Variants in PPP3CC observed in about 807,000 individuals in gnomAD.
PPP3CC encodes the protein serine/threonine-protein phosphatase 2B catalytic subunit gamma isoform.
A neutral mutation model predicts 60.3 loss-of-function variants in PPP3CC; 35 were observed. That is an observed-to-expected ratio of 0.58 (90% CI 0.44 to 0.77). PPP3CC has a LOEUF of 0.77. Among genes scored for constraint, PPP3CC ranks in the 30% least tolerant of loss-of-function variants. The pLI is 0.00. For missense variants in PPP3CC, 570 were observed against 628.9 expected (o/e 0.91, Z 1.00); for synonymous variants, 206 against 224.3 (o/e 0.92, Z 0.73).
At chr8:22,468,383 G>A (rs780676369) in intron 1 of PPP3CC, among the ~76,000 whole-genome samples, 3 of 152,200 alleles carry the variant, frequency 2.0e-5, no homozygotes, top group Non-Finnish European at 4.4e-5. Context: ...GTGATTACAG[G>A]CGTGAGCCAC....
chr8:22,449,093 A>T (rs777131649), intron 1 of PPP3CC, among the ~76,000 whole-genome samples: 10 of 152,110 alleles, frequency 6.6e-5, no homozygotes, highest in Non-Finnish European at 1.2e-4. Context: ...CTTGGGTGAC[A>T]CAGTGAGCAC....
chr8:22,482,670 G>A (rs985092891), intron 3 of PPP3CC, among the ~76,000 whole-genome samples: 8 of 152,142 alleles, frequency 5.3e-5, no homozygotes, highest in Non-Finnish European at 1.2e-4. Flanking sequence ...TACCAAAAAG[G>A]TGAAGAAAAA....
chr8:22,539,644 G>A (rs1479727438), intron 13 of PPP3CC, 146 bp downstream of exon 13: 6 of 792,056 alleles, frequency 7.6e-6, no homozygotes, highest in Admixed American at 6.5e-5. Flanking sequence ...GCATGTTAAC[G>A]AAGCAGGTGT....
chr8:22,503,413 T>C (rs1032487571), intron 4 of PPP3CC, among the ~76,000 whole-genome samples: 23 of 152,318 alleles, frequency 1.5e-4, no homozygotes, highest in African/African-American at 5.5e-4. Flanking sequence ...TTTTATGAAT[T>C]AGGAGTAGAT....
At chr8:22,447,442 A>G (rs1836864594) in intron 1 of PPP3CC, among the ~76,000 whole-genome samples, 1 of 151,716 alleles carries the variant, frequency 6.6e-6, no homozygotes, top group Non-Finnish European at 1.5e-5. Flanking sequence ...TCGGCCTCCC[A>G]AAGTGCTGGG....
intron 4 of PPP3CC, among the ~76,000 whole-genome samples, chr8:22,502,712 G>T (rs972853399): frequency 3.3e-5 from 5 of 152,078 alleles, no homozygotes; most frequent in African/African-American, 1.2e-4. Flanking sequence ...GACCAAGGTA[G>T]ACCCATAATA....
intron 3 of PPP3CC, among the ~76,000 whole-genome samples, chr8:22,479,341 T>C (rs957934784): frequency 6.7e-6 from 1 of 149,986 alleles, no homozygotes; most frequent in African/African-American, 2.5e-5. Context: ...CTTGCAGCCT[T>C]TTTTCTTCTT....
chr8:22,538,691 T>A (rs2117163896), intron 12 of PPP3CC, among the ~76,000 whole-genome samples: 1 of 152,310 alleles, frequency 6.6e-6, no homozygotes, highest in Admixed American at 6.5e-5. Context: ...TGCAAGGAAG[T>A]TTACCTGTTG....
intron 3 of PPP3CC, among the ~76,000 whole-genome samples, chr8:22,478,366 G>T (rs1200412080): frequency 1.3e-5 from 2 of 152,018 alleles, no homozygotes; most frequent in Admixed American, 1.3e-4. Flanking sequence ...TGGCCAGGCT[G>T]GTCTTGGACT....
intron 3 of PPP3CC, among the ~76,000 whole-genome samples, chr8:22,497,532 A>G (rs207468997): frequency 6.6e-6 from 1 of 151,934 alleles, no homozygotes; most frequent in South Asian, 2.1e-4. Context: ...AGTTAGTTTT[A>G]TCATTGATTT....
chr8:22,481,351 T>C (rs140599948), intron 3 of PPP3CC, among the ~76,000 whole-genome samples: 1 of 54,268 alleles, frequency 1.8e-5, no homozygotes, highest in African/African-American at 4.6e-5. Flanking sequence ...AAATAAATAA[T>C]AATAATAATA....
rs1447362320 is a variant in PPP3CC, at chr8:22,475,496, C to T, written c.248-4C>T. 4 of 1,600,468 alleles carry T rather than the reference C, an allele frequency of 2.5e-6. No homozygotes were observed. Among genetic ancestry groups the T allele is most frequent in the Admixed American group, 1.8e-5 (1 of 56,838 alleles). ...CTCACATCACTTTATGCTTTTTTTC[C>T]TAGTATGTGGTGATATTCATGGACA... On this transcript the variant is annotated splice_region_variant and splice_polypyrimidine_tract_variant and intron_variant, in intron 2 of 13. Coordinates refer to ENST00000240139, the MANE Select transcript of PPP3CC (RefSeq NM_005605.5).
At chr8:22,448,534 C>T (rs923917905) in intron 1 of PPP3CC, among the ~76,000 whole-genome samples, 64 of 151,966 alleles carry the variant, frequency 4.2e-4, no homozygotes, top group Admixed American at 3.3e-4. Context: ...CATGCACCAC[C>T]GCACTGGGCT....
intron 3 of PPP3CC, among the ~76,000 whole-genome samples, chr8:22,478,780 G>T (rs1464023813): frequency 6.6e-6 from 1 of 152,140 alleles, no homozygotes; most frequent in East Asian, 1.9e-4. Flanking sequence ...TATAAAATGT[G>T]CTTCTTGAAT....
chr8:22,497,911 C>T (rs1445177446), intron 3 of PPP3CC, 90 bp from the exon 4 acceptor site: 3 of 767,874 alleles, frequency 3.9e-6, no homozygotes, highest in Admixed American at 2.8e-5. Flanking sequence ...ATGAGATATG[C>T]CATTACAGCA....
chr8:22,490,112 C>G (rs956331206), intron 3 of PPP3CC, among the ~76,000 whole-genome samples: 29 of 151,504 alleles, frequency 1.9e-4, no homozygotes, highest in Non-Finnish European at 3.4e-4. Flanking sequence ...CGTGAGCTGC[C>G]GTGCTGAGCC....
intron 6 of PPP3CC, among the ~76,000 whole-genome samples, chr8:22,514,827 C>CT (rs1316956925): frequency 6.6e-6 from 1 of 151,704 alleles, no homozygotes; most frequent in African/African-American, 2.4e-5. Flanking sequence ...TTACAGGCAC[C>CT]TACCACCATG....
At position 22,480,209 on chromosome 8, in the gene PPP3CC, A is replaced by G. The variant is rs115919602; in HGVS notation, c.372+4585A>G. 1.6e-3 allele frequency among the ~76,000 whole-genome samples: 243 copies of G among 152,354 alleles called. 1 individual carries two copies. Among genetic ancestry groups the G allele is most frequent in the African/African-American group, 5.6e-3 (231 of 41,598 alleles). ...ATTGATAAGGAATTTTGTTATTTCT[A>G]TTATAGATAGCATTTTAGGATACAA... is the stretch of plus-strand genomic sequence containing the variant. On this transcript the variant is annotated intron_variant, in intron 3 of 13. Coordinates refer to ENST00000240139, the MANE Select transcript of PPP3CC (RefSeq NM_005605.5).
intron 1 of PPP3CC, among the ~76,000 whole-genome samples, chr8:22,455,893 A>T (rs565898629): frequency 9.2e-5 from 14 of 152,380 alleles, no homozygotes; most frequent in Non-Finnish European, 1.9e-4. Flanking sequence ...CAAAGACCAG[A>T]GGAATAATCT....
Sources: allele counts gnomAD v4.1 joint callset (sites outside exome capture counted in the v4.1 genomes callset), GRCh38; gene constraint gnomAD v4.1.1; transcripts MANE v1.5; gene names NCBI Gene and HGNC (gene_info 2026-07-23, HGNC 2026-07-21).